The following DERL1 variants were observed in gnomAD, a reference collection of about 807,000 sequenced individuals.
DERL1 encodes derlin 1.
A neutral mutation model predicts 41.6 loss-of-function variants in DERL1; 24 were observed. The observed-to-expected ratio is 0.58, with a 90% CI of 0.42 to 0.81. DERL1 has a LOEUF of 0.81. DERL1 is among the 30% of genes least tolerant of loss of function. The pLI is 0.00. For synonymous variants in DERL1, 124 were observed against 112.5 expected, an observed-to-expected ratio of 1.10 and a Z score of -0.65; for missense variants, 260 against 314.3, an observed-to-expected ratio of 0.83 and a Z score of 1.31.
intron 2 of DERL1, among the ~76,000 whole-genome samples, chr8:123,028,289 T>C (rs1465540549): frequency 6.6e-6 from 1 of 152,030 alleles, no homozygotes; most frequent in East Asian, 1.9e-4. Context: ...AACCATTAGA[T>C]GGTTAAGGAG....
chr8:123,040,433 G>A (rs1298676630), intron 1 of DERL1, among the ~76,000 whole-genome samples: 1 of 152,224 alleles, frequency 6.6e-6, no homozygotes, highest in African/African-American at 2.4e-5. Context: ...GAGAGATCCA[G>A]ATAAGCACTG....
At chr8:123,029,640 A>G (rs181117398) in intron 2 of DERL1, among the ~76,000 whole-genome samples, 81 of 152,362 alleles carry the variant, frequency 5.3e-4, no homozygotes, top group African/African-American at 1.9e-3. Context: ...CCATATTGTA[A>G]CACAGTGTAT....
In DERL1 at chr8:123,042,155, C is replaced by A; in HGVS notation, c.-33G>T. On this transcript the variant is annotated 5_prime_UTR_variant, in exon 1 of 8. Transcript: ENST00000259512. Reference sequence around the variant, plus strand: ...CCACAGGTAGCCAAGATGCACAAGACCGCCCGACTCCCCGTGCCGACCCCC... The same window carrying A: ...CCACAGGTAGCCAAGATGCACAAGAACGCCCGACTCCCCGTGCCGACCCCC... The A allele has an allele frequency of 6.4e-7, 1 of 1,563,104 alleles. No individual in the cohort carries two copies. The highest frequency in any genetic ancestry group is 8.7e-7 in the Non-Finnish European group (1 of 1,149,384).
intron 1 of DERL1, among the ~76,000 whole-genome samples, chr8:123,038,282 C>T (rs533128917): frequency 3.9e-5 from 6 of 152,270 alleles, no homozygotes; most frequent in East Asian, 1.9e-4. Flanking sequence ...TAAAGCACAC[C>T]GCACACTGTC....
At chr8:123,016,081 G>A (rs951158328) in intron 7 of DERL1, 1 of 152,298 alleles carries the variant, frequency 6.6e-6, no homozygotes. Flanking sequence ...AGGGGAAGAA[G>A]GCTTTCTATG....
At chr8:123,035,306 T>A (rs879557675) in intron 1 of DERL1, among the ~76,000 whole-genome samples, 6 of 152,240 alleles carry the variant, frequency 3.9e-5, no homozygotes, top group Non-Finnish European at 8.8e-5. Context: ...TTTAAAATTA[T>A]AATCTGAAAA....
intron 2 of DERL1, among the ~76,000 whole-genome samples, chr8:123,029,499 T>C (rs1363795767): frequency 6.6e-6 from 1 of 152,206 alleles, no homozygotes; most frequent in African/African-American, 2.4e-5. Flanking sequence ...TTCTCAACCA[T>C]ATGAGCACTG....
chr8:123,023,479 C>T (rs757107132), intron 4 of DERL1, among the ~76,000 whole-genome samples: 10 of 152,024 alleles, frequency 6.6e-5, no homozygotes, highest in African/African-American at 1.7e-4. Flanking sequence ...CACTTGAACC[C>T]GGGAGGCGGA....
intron 2 of DERL1, chr8:123,025,727 C>T (rs1020050710): frequency 1.3e-5 from 2 of 152,258 alleles, no homozygotes; most frequent in Non-Finnish European, 2.9e-5. Flanking sequence ...CCAAACCTTT[C>T]CATAGCCTCT....
chr8:123,018,979 T>C (rs759563655), intron 7 of DERL1: 12 of 554,032 alleles, frequency 2.2e-5, no homozygotes, highest in African/African-American at 7.6e-5. Context: ...TAGTTGTCAG[T>C]GGTCCCTGGC....
chr8:123,034,054 A>AG (rs1330282259), intron 1 of DERL1, among the ~76,000 whole-genome samples: 2 of 152,182 alleles, frequency 1.3e-5, no homozygotes, highest in Non-Finnish European at 2.9e-5. Flanking sequence ...GGCACAAGGG[A>AG]GGGGACATGT....
intron 6 of DERL1, among the ~76,000 whole-genome samples, chr8:123,019,730 G>A (rs1814707437): frequency 6.6e-6 from 1 of 152,166 alleles, no homozygotes; most frequent in South Asian, 2.1e-4. Context: ...AACAATAAAT[G>A]CCTGTTCCCC....
intron 6 of DERL1, among the ~76,000 whole-genome samples, chr8:123,020,916 A>C (rs1027902702): frequency 1.3e-4 from 19 of 151,580 alleles, no homozygotes; most frequent in African/African-American, 4.6e-4. Flanking sequence ...CAATGAGCCA[A>C]GATCGCACCA....
intron 2 of DERL1, chr8:123,030,263 A>G (rs141337860): frequency 5.3e-6 from 1 of 187,064 alleles, no homozygotes; most frequent in East Asian, 1.8e-4. Flanking sequence ...TTCTGCACTG[A>G]AGGACAAGGA....
intron 4 of DERL1, among the ~76,000 whole-genome samples, chr8:123,023,338 A>T (rs918159883): frequency 3.3e-5 from 5 of 152,238 alleles, no homozygotes; most frequent in Admixed American, 3.3e-4. Context: ...CAGGCGGATC[A>T]TGAGGTCAGG....
chr8:123,036,599 A>G (rs1388159196), intron 1 of DERL1, among the ~76,000 whole-genome samples: 1 of 152,206 alleles, frequency 6.6e-6, no homozygotes, highest in Non-Finnish European at 1.5e-5. Flanking sequence ...TGTATATTGT[A>G]ACTCAATAAA....
chr8:123,019,079 G>C (rs1814685475), intron 7 of DERL1, 116 bp downstream of exon 7: 1 of 744,342 alleles, frequency 1.3e-6, no homozygotes. Context: ...TGTTGCCTCA[G>C]GTTTCTCCAG....
rs1814546449 is a variant in DERL1, at chr8:123,015,598, G to A, written c.618-13C>T. 2 of 1,605,324 alleles carry A rather than the reference G, an allele frequency of 1.2e-6. No homozygotes were observed. Among genetic ancestry groups the A allele is most frequent in the African/African-American group, 2.7e-5 (2 of 74,756 alleles). ...CAGCCAGCGGTACCTGGTGCAGAAA[G>A]ACGGGGACACAAACGGAGAGAAGAG... On this transcript the variant is annotated splice_polypyrimidine_tract_variant and intron_variant, in intron 7 of 7. Transcript: ENST00000259512.
intron 4 of DERL1, among the ~76,000 whole-genome samples, chr8:123,023,424 G>A (rs1238095138): frequency 2.0e-5 from 3 of 152,004 alleles, no homozygotes; most frequent in Admixed American, 1.3e-4. Context: ...GTGTGGTGGC[G>A]TGCATCTATA....
Sources: allele counts gnomAD v4.1 joint callset (sites outside exome capture counted in the v4.1 genomes callset), GRCh38; gene constraint gnomAD v4.1.1; transcripts MANE v1.5; gene names NCBI Gene and HGNC (gene_info 2026-07-23, HGNC 2026-07-21).